The following NUP210 variants were observed in gnomAD, a reference collection of about 807,000 sequenced individuals.
NUP210 encodes the protein nuclear pore membrane glycoprotein 210.
In NUP210, 151 loss-of-function variants were observed where a neutral mutation model predicts 196.0. The observed-to-expected ratio is 0.77, with a 90% confidence interval of 0.67 to 0.88. The LOEUF (loss-of-function observed/expected upper bound fraction) is 0.88, where lower values mean the gene tolerates loss of function less well. NUP210 is among the 40% of genes least tolerant of loss of function. The probability of loss-of-function intolerance (pLI) is 0.00; values close to 1 mark genes in which losing one functional copy is unlikely to be tolerated. For synonymous variants in NUP210, 1,070 were observed against 1,052.7 expected (o/e 1.02, Z -0.32); for missense variants, 2,314 against 2,493.7 (o/e 0.93, Z 1.53).
intron 33 of NUP210, among the ~76,000 whole-genome samples, chr3:13,324,327 C>T (rs1282307734): frequency 6.6e-6 from 1 of 152,096 alleles, no homozygotes; most frequent in Non-Finnish European, 1.5e-5. Flanking sequence ...CCCACCCACT[C>T]CCAGGGCTTC....
At position 13,386,906 on chromosome 3, in the gene NUP210, G is replaced by A. The variant is rs1212708078; in HGVS notation, c.685-499C>T. Among the ~76,000 whole-genome samples the A allele has an allele frequency of 3.9e-5, 6 of 152,284 alleles. No homozygotes were observed. In the South Asian group the frequency reaches 1.0e-3, roughly 26 times the overall value. ...GACCTGTGACCTCCTGCCTCCTCAG[G>A]AAAACCCGTGGGCAACTTCGCAATG... On this transcript the variant is annotated intron_variant, in intron 5 of 39. Coordinates refer to ENST00000254508, the MANE Select transcript of NUP210 (RefSeq NM_024923.4).
chr3:13,410,942 C>T (rs867652032), intron 1 of NUP210, among the ~76,000 whole-genome samples: 11 of 134,218 alleles, frequency 8.2e-5, no homozygotes, highest in South Asian at 4.7e-4. Flanking sequence ...AAAAAATTAG[C>T]CAGGTGTGGT....
At chr3:13,356,643 A>G (rs1698181623) in intron 16 of NUP210, among the ~76,000 whole-genome samples, 1 of 152,052 alleles carries the variant, frequency 6.6e-6, no homozygotes, top group Non-Finnish European at 1.5e-5. Flanking sequence ...ACTGTGTCTC[A>G]AAAAAAAGAA....
chr3:13,372,374 G>C (rs747461283), intron 12 of NUP210, among the ~76,000 whole-genome samples: 1 of 152,216 alleles, frequency 6.6e-6, no homozygotes, highest in Non-Finnish European at 1.5e-5. Context: ...ACTGTGCAGG[G>C]GCAGTGGAAA....
chr3:13,394,690 T>G (rs774383071), intron 3 of NUP210, among the ~76,000 whole-genome samples: 4 of 152,216 alleles, frequency 2.6e-5, no homozygotes, highest in Non-Finnish European at 5.9e-5. Context: ...GACATTGTAC[T>G]TACTAAGGGG....
At chr3:13,321,040 C>T (rs545926846) in intron 36 of NUP210, among the ~76,000 whole-genome samples, 3 of 152,260 alleles carry the variant, frequency 2.0e-5, no homozygotes, top group African/African-American at 4.8e-5. Flanking sequence ...GCAGAACATG[C>T]GATCACGCTG....
chr3:13,343,336 T>TGGTGGGGGGGGGGGGGGGGGGGGGGGG, intron 20 of NUP210, 33 bp from the exon 21 acceptor site: 1 of 260,404 alleles, frequency 3.8e-6, no homozygotes, highest in Non-Finnish European at 7.2e-6. Context: ...GAGGGGTGGG[T>TGGTGGGGGGGGGGGGGGGGGGGGGGGG]GGTGGGTTAC....
chr3:13,372,115 G>A (rs1355160108), intron 12 of NUP210, 83 bp from the exon 13 acceptor site: 4 of 1,268,744 alleles, frequency 3.2e-6, no homozygotes, highest in African/African-American at 1.5e-5. Flanking sequence ...AAGTGCTGCT[G>A]TGTGCTGAGC....
At chr3:13,369,712 T>C (rs999786895) in intron 13 of NUP210, among the ~76,000 whole-genome samples, 1 of 152,220 alleles carries the variant, frequency 6.6e-6, no homozygotes, top group Admixed American at 6.5e-5. Context: ...TTACCAAAAA[T>C]CATTTCACCA....
At chr3:13,374,654 G>A (rs1576396124) in intron 11 of NUP210, among the ~76,000 whole-genome samples, 1 of 152,120 alleles carries the variant, frequency 6.6e-6, no homozygotes, top group Non-Finnish European at 1.5e-5. Flanking sequence ...ACGAACCCTT[G>A]GTCACCGAGC....
intron 32 of NUP210, among the ~76,000 whole-genome samples, chr3:13,326,232 G>C (rs2124835796): frequency 6.6e-6 from 1 of 152,346 alleles, no homozygotes. Flanking sequence ...GACCATCCTG[G>C]CATGAAGCTT....
Position 13,341,863 on chromosome 3 carries a change from T to C in NUP210, c.3113A>G (p.Asp1038Gly), listed in dbSNP as rs200708440. The C allele has an allele frequency of 6.6e-5, 107 of 1,614,190 alleles. No individual in the cohort carries two copies. The East Asian group carries it at 2.2e-3, about 33-fold the overall frequency. Residue 1038 changes from aspartate to glycine, a missense_variant, in exon 23 of 40, where the codon GAC becomes GGC. Asp to Gly is a moderately conservative substitution (Grantham distance 94, BLOSUM62 -1). Coordinates refer to ENST00000254508, the MANE Select transcript of NUP210 (RefSeq NM_024923.4). ...GATGAGGAATGTGATGGTGTAGTTG[T>C]CAAGGGCTTCATCAAGGGCCCTGAA... ...ITLVALDEAL[D>G]NYTITFLIRG...
At chr3:13,392,943 A>G (rs1257982656) in intron 3 of NUP210, among the ~76,000 whole-genome samples, 1 of 152,204 alleles carries the variant, frequency 6.6e-6, no homozygotes, top group East Asian at 1.9e-4. Context: ...AGAGCCCAGC[A>G]GGCCAGCTTT....
intron 23 of NUP210, 125 bp downstream of exon 23, chr3:13,341,623 G>T: frequency 8.9e-7 from 1 of 1,120,302 alleles, no homozygotes; most frequent in Non-Finnish European, 1.3e-6. Flanking sequence ...TTTGATGAGA[G>T]GACATTGTGG....
Position 13,327,239 on chromosome 3 carries a change from G to A in NUP210, c.4485C>T (p.Ala1495=), listed in dbSNP as rs758314668. ...AMVVGDVLCL[A]TVLTSLEGLS... ...TACCTTCCAGGCTGGTCAGAACAGT[G>A]GCCAGACAGAGCACGTCCCCCACCA... Residue 1495 remains alanine (A), a synonymous_variant, in exon 32 of 40, where the codon GCC becomes GCT. Transcript: ENST00000254508. 15 of 1,613,112 alleles carry A rather than the reference G, an allele frequency of 9.3e-6. No individual in the cohort carries two copies. Among genetic ancestry groups the A allele is most frequent in the Non-Finnish European group, 1.3e-5 (15 of 1,179,978 alleles).
At chr3:13,410,929 A>ATAC (rs1559351139) in intron 1 of NUP210, among the ~76,000 whole-genome samples, 1 of 147,990 alleles carries the variant, frequency 6.8e-6, no homozygotes, top group Non-Finnish European at 1.5e-5. Flanking sequence ...AAAAAAAAAA[A>ATAC]AAAAAAAATT....
chr3:13,401,855 C>T (rs954793477), intron 1 of NUP210, among the ~76,000 whole-genome samples: 3 of 151,862 alleles, frequency 2.0e-5, no homozygotes, highest in African/African-American at 7.3e-5. Flanking sequence ...GGAGCCTGTA[C>T]TTACTACTGA....
chr3:13,382,107 T>G (rs1257019577), intron 6 of NUP210, among the ~76,000 whole-genome samples: 4 of 152,236 alleles, frequency 2.6e-5, no homozygotes. Flanking sequence ...TTTGCAAACC[T>G]AGTACATTTT....
At chr3:13,414,430 GC>G (rs1252047379) in intron 1 of NUP210, among the ~76,000 whole-genome samples, 4 of 152,246 alleles carry the variant, frequency 2.6e-5, no homozygotes, top group African/African-American at 7.2e-5. Flanking sequence ...GCCCGGTCCA[GC>G]CCTGCAGGGG....
Sources: allele counts gnomAD v4.1 joint callset (sites outside exome capture counted in the v4.1 genomes callset), GRCh38; gene constraint gnomAD v4.1.1; transcripts MANE v1.5; gene names NCBI Gene and HGNC (gene_info 2026-07-23, HGNC 2026-07-21).